The following SRGAP3 variants were observed in gnomAD, a reference collection of about 807,000 sequenced individuals.
SRGAP3 encodes SLIT-ROBO Rho GTPase activating protein 3.
SRGAP3 carries 39 observed loss-of-function variants against 121.1 expected under a neutral mutation model. The observed-to-expected ratio is 0.32, with a 90% CI of 0.25 to 0.42. SRGAP3 has a LOEUF of 0.42. Among genes scored for constraint, SRGAP3 ranks in the 10% least tolerant of loss-of-function variants. SRGAP3 has a pLI of 1.00. For synonymous variants in SRGAP3, 601 were observed against 570.0 expected, an observed-to-expected ratio of 1.05 and a Z score of -0.77; for missense variants, 1,213 against 1,470.6, an observed-to-expected ratio of 0.82 and a Z score of 2.86.
At chr3:9,067,488 C>T (rs1284861825) in intron 4 of SRGAP3, among the ~76,000 whole-genome samples, 1 of 152,046 alleles carries the variant, frequency 6.6e-6, no homozygotes, top group Non-Finnish European at 1.5e-5. Flanking sequence ...CCACCAAGAT[C>T]ACATCCAAAT....
intron 1 of SRGAP3, chr3:9,348,590 TGA>T (rs1287151626): frequency 1.1e-6 from 1 of 896,252 alleles, no homozygotes; most frequent in South Asian, 1.3e-5. Flanking sequence ...AGAAGCCGGC[TGA>T]GTTTGACATC....
At chr3:9,261,876 T>TTA (rs376705055) in intron 3 of SRGAP3, among the ~76,000 whole-genome samples, 3 of 120,866 alleles carry the variant, frequency 2.5e-5, no homozygotes, top group Admixed American at 8.9e-5. Flanking sequence ...CTCATATATT[T>TTA]AAAAAAAAAA....
chr3:9,328,399 G>A (rs1955552091), intron 2 of SRGAP3, among the ~76,000 whole-genome samples: 1 of 152,182 alleles, frequency 6.6e-6, no homozygotes, highest in Admixed American at 6.5e-5. Context: ...AGCAGGGCCA[G>A]GAAAGGGGTC....
chr3:9,075,446 G>A (rs1367798257), intron 4 of SRGAP3, among the ~76,000 whole-genome samples: 2 of 152,170 alleles, frequency 1.3e-5, no homozygotes, highest in Non-Finnish European at 2.9e-5. Flanking sequence ...AGAGGAGGGT[G>A]CCTCAAGGTG....
At position 8,985,532 on chromosome 3, in the gene SRGAP3, G is replaced by A. The variant is rs1217900849; in HGVS notation, c.3287C>T (p.Ser1096Leu). ...KMFPNSSADK[S>L]GTM ...CCATCCTGCAGGTCACATGGTGCCC[G>A]ACTTGTCCGCTGAGCTGTTGGGGAA... The change falls in exon 22 of 22, where the codon TCG (serine) becomes TTG (leucine). Residue 1096 changes from serine to leucine, a missense_variant. Around this residue, in one of 2 missense-constraint regions of SRGAP3, gnomAD observed 420 missense variants for 437.7 expected, o/e 0.96. Transcript: ENST00000383836. The surrounding 1 kb of genome is among the most constrained non-coding windows in gnomAD (Gnocchi z 5.1). The A allele has an allele frequency of 1.9e-6, 3 of 1,598,848 alleles. No individual in the cohort carries two copies. Among genetic ancestry groups the A allele is most frequent in the African/African-American group, 1.3e-5 (1 of 74,860 alleles).
chr3:9,304,924 CTCT>C (rs1237014852), intron 3 of SRGAP3, among the ~76,000 whole-genome samples: 1 of 152,222 alleles, frequency 6.6e-6, no homozygotes. Context: ...TAAGCTCCTC[CTCT>C]GTGCTGGCCT....
intron 4 of SRGAP3, among the ~76,000 whole-genome samples, chr3:9,078,030 A>G (rs1947054056): frequency 6.6e-6 from 1 of 152,160 alleles, no homozygotes; most frequent in Non-Finnish European, 1.5e-5. Context: ...GATACAAGAG[A>G]TTTTGGTACA....
intron 1 of SRGAP3, among the ~76,000 whole-genome samples, chr3:9,332,116 G>GTTATTATTA (rs145323365): frequency 7.5e-4 from 113 of 150,972 alleles, no homozygotes; most frequent in African/African-American, 2.5e-3. Context: ...TTTCATTGAG[G>GTTATTATTA]TTATTATTAT....
At chr3:9,349,281 C>T (rs1215551646) in intron 1 of SRGAP3, 2 of 474,432 alleles carry the variant, frequency 4.2e-6, no homozygotes, top group South Asian at 1.9e-5. Flanking sequence ...TCACACTGAC[C>T]ACATCTGTAG....
chr3:9,187,965 A>T (rs2125132977), intron 1 of SRGAP3, among the ~76,000 whole-genome samples: 1 of 152,306 alleles, frequency 6.6e-6, no homozygotes, highest in African/African-American at 2.4e-5. Flanking sequence ...AGCCTATGGG[A>T]ACAATAGATT....
At chr3:9,301,767 G>A (rs1955059940) in intron 3 of SRGAP3, among the ~76,000 whole-genome samples, 1 of 152,228 alleles carries the variant, frequency 6.6e-6, no homozygotes, top group Non-Finnish European at 1.5e-5. Context: ...TGCGTGACCT[G>A]GGATAAATGA....
intron 21 of SRGAP3, among the ~76,000 whole-genome samples, chr3:8,986,564 A>C (rs1164056536): frequency 1.3e-5 from 2 of 152,210 alleles, no homozygotes; most frequent in Non-Finnish European, 1.5e-5. Context: ...GCCCAAGGTC[A>C]CACAGCTAAT....
At chr3:9,027,123 G>A in intron 12 of SRGAP3, 128 bp from the exon 13 acceptor site, 1 of 869,426 alleles carries the variant, frequency 1.2e-6, no homozygotes, top group Non-Finnish European at 2.0e-6. Context: ...AAACAAGCAA[G>A]GAACTGCTAA....
chr3:9,115,071 C>G (rs904143655), intron 2 of SRGAP3, among the ~76,000 whole-genome samples: 8 of 152,210 alleles, frequency 5.3e-5, no homozygotes, highest in Non-Finnish European at 2.9e-5. Flanking sequence ...CTGGGTTTAC[C>G]TGACTCCAAA....
At chr3:9,319,528 A>T (rs1029916078) in intron 3 of SRGAP3, among the ~76,000 whole-genome samples, 2 of 151,938 alleles carry the variant, frequency 1.3e-5, no homozygotes, top group African/African-American at 4.8e-5. Flanking sequence ...CAAGGAAAGT[A>T]AAAGTTAACA....
At position 9,067,137 on chromosome 3, in the gene SRGAP3, A is replaced by C. The variant is rs1382714698; in HGVS notation, c.487-2556T>G. ...ATGGAGGTATCTATCAGATGCTACC[A>C]CCACCACCACCACCATCATCATCAT... is the stretch of plus-strand genomic sequence containing the variant. On this transcript the variant is annotated intron_variant, in intron 4 of 21. Coordinates refer to ENST00000383836, the MANE Select transcript of SRGAP3 (RefSeq NM_014850.4). Among the ~76,000 whole-genome samples, 5 of 152,266 alleles carry C rather than the reference A, an allele frequency of 3.3e-5. No homozygotes were observed. In the East Asian group the frequency reaches 9.6e-4, roughly 29 times the overall value.
intron 19 of SRGAP3, chr3:8,994,016 A>G: frequency 2.5e-6 from 1 of 400,818 alleles, no homozygotes; most frequent in Non-Finnish European, 4.7e-6. Context: ...GGGGAGGCCT[A>G]GGAGGTGGAG....
intron 1 of SRGAP3, among the ~76,000 whole-genome samples, chr3:9,145,811 G>A (rs984908104): frequency 6.3e-4 from 96 of 152,204 alleles, no homozygotes; most frequent in African/African-American, 2.2e-3. Context: ...GGCCTCAAAG[G>A]TTGGATAGGA....
At chr3:8,992,553 C>A in intron 20 of SRGAP3, 1 of 413,894 alleles carries the variant, frequency 2.4e-6, no homozygotes, top group Non-Finnish European at 4.5e-6. Context: ...TTAAATATAA[C>A]AACTCAGTTC....
Sources: gnomAD v4.1 joint callset for allele counts (sites outside exome capture counted in the v4.1 genomes callset) on GRCh38, gnomAD v4.1.1 for gene constraint, gnomAD v4.1.1 regional missense constraint, Gnocchi (gnomAD v3.1) non-coding constraint, MANE v1.5 for transcripts, NCBI Gene and HGNC (gene_info 2026-07-23, HGNC 2026-07-21) for gene names.